SLC39A6: variants seen among roughly 807,000 people sequenced by gnomAD.
SLC39A6 encodes zinc transporter ZIP6.
Under a neutral mutation model 63.5 loss-of-function variants are expected in SLC39A6, and 51 were observed. The ratio of observed to expected loss-of-function variants is 0.80; its 90% CI spans 0.64 to 1.01. SLC39A6 has a LOEUF of 1.01. Ranked by LOEUF, SLC39A6 falls within the 50% of genes least tolerant of loss-of-function variation. The pLI is 0.00. For synonymous variants in SLC39A6, 318 were observed against 324.7 expected, an observed-to-expected ratio of 0.98 and a Z score of 0.22; for missense variants, 805 against 927.8, an observed-to-expected ratio of 0.87 and a Z score of 1.72.
At chr18:36,113,039 CT>C (rs1883503149) in intron 7 of SLC39A6, among the ~76,000 whole-genome samples, 1 of 152,082 alleles carries the variant, frequency 6.6e-6, no homozygotes, top group South Asian at 2.1e-4. Flanking sequence ...TAGCCGTCCC[CT>C]TTTAAAAATC....
intron 5 of SLC39A6, among the ~76,000 whole-genome samples, chr18:36,117,788 T>C (rs987687709): frequency 1.3e-5 from 2 of 152,082 alleles, no homozygotes; most frequent in Non-Finnish European, 2.9e-5. Flanking sequence ...TCCCAGCACT[T>C]TGGGAGGCCG....
Position 36,120,245 on chromosome 18 carries a change from C to CT in SLC39A6, c.1359+1806dup, listed in dbSNP as rs66950059. Among the ~76,000 whole-genome samples the CT allele has an allele frequency of 5.3e-5, 8 of 150,180 alleles. No homozygotes were observed. In the East Asian group the frequency reaches 5.9e-4, roughly 11 times the overall value. On this transcript the variant is annotated intron_variant, in intron 5 of 9. Transcript: ENST00000269187. ...CCAGTACTCACCATATAATGAGTAG[C>CT]TTTTTTTTTTCTTTTTGAGATAATT...
intron 9 of SLC39A6, among the ~76,000 whole-genome samples, chr18:36,110,319 T>C (rs926025021): frequency 4.0e-5 from 6 of 151,432 alleles, no homozygotes; most frequent in South Asian, 4.1e-4. Context: ...TACAAATCTA[T>C]AGAAAATTCA....
rs771357592 is a variant in SLC39A6 at position 36,126,862 on chromosome 18, G to C, written c.146C>G (p.Ala49Gly). The part of the protein sequence containing the change: ...NWESGINVDL[A>G]ISTRQYHLQQ... ...TAGATGATATTGCCGTGTGGAAATT[G>C]CCAAGTCAACATTAATGCCAGATTC... The change falls in exon 2 of 10, where the codon GCA becomes GGA. Residue 49 changes from alanine (A) to glycine (G), a missense_variant. Physicochemically the swap from Ala to Gly is moderately conservative, Grantham distance 60 (BLOSUM62 0). Around this residue, in one of 4 missense-constraint regions of SLC39A6, gnomAD observed 639 missense variants for 644.0 expected, o/e 0.99. Transcript: ENST00000269187. 1 of 1,614,170 alleles carries C rather than the reference G, an allele frequency of 6.2e-7. No homozygotes were observed. The highest frequency in any genetic ancestry group is 8.5e-7 in the Non-Finnish European group (1 of 1,180,032).
At chr18:36,113,117 C>T (rs1300048911) in intron 7 of SLC39A6, among the ~76,000 whole-genome samples, 1 of 150,992 alleles carries the variant, frequency 6.6e-6, no homozygotes, top group Non-Finnish European at 1.5e-5. Context: ...TTTTCAGAGA[C>T]AGGGTTTCAT....
intron 6 of SLC39A6, among the ~76,000 whole-genome samples, chr18:36,115,324 C>A (rs1218617585): frequency 6.6e-6 from 1 of 152,000 alleles, no homozygotes; most frequent in Non-Finnish European, 1.5e-5. Context: ...TGCCTGTAGT[C>A]CCAGTTACTC....
chr18:36,123,564 G>T lies in SLC39A6; in HGVS notation c.1071C>A (p.Leu357=). 6.2e-7 allele frequency: 1 copy of T among 1,613,426 alleles called. No individual in the cohort carries two copies. The highest frequency in any genetic ancestry group is 8.5e-7 in the Non-Finnish European group (1 of 1,179,810). The change falls in exon 4 of 10, where the codon CTC becomes CTA. Residue 357 remains leucine, a synonymous_variant. Transcript: ENST00000269187. ...PLMNRVFFKF[L]LSFLVALAVG... is the part of the protein sequence containing the mutation. The stretch of plus-strand genomic sequence containing the variant: ...CGGCCAGTGCCACAAGGAAACTCAG[G>T]AGAAATTTGAAAAACACCCGATTCA...
In SLC39A6 at chr18:36,111,245, G is replaced by C; in HGVS notation, c.1929C>G (p.Asp643Glu). The C allele has an allele frequency of 6.2e-7, 1 of 1,613,588 alleles. No individual in the cohort carries two copies. The highest frequency in any genetic ancestry group is 8.5e-7 in the Non-Finnish European group (1 of 1,179,754). ...FCHELPHELGDFAVLLKAGMT... is the reference protein window; with the variant it reads ...FCHELPHELGEFAVLLKAGMT... ...TGCCAGCCTTTAGTAGAACAGCAAA[G>C]TCACCTTTAACAGAAAACAAAAAAG... Residue 643 changes from aspartate to glutamate, a missense_variant, in exon 9 of 10, where the codon GAC becomes GAG. Around this residue, in one of 4 missense-constraint regions of SLC39A6, gnomAD observed 145 missense variants for 227.2 expected, o/e 0.64. Coordinates refer to ENST00000269187, the MANE Select transcript of SLC39A6 (RefSeq NM_012319.4).
intron 2 of SLC39A6, among the ~76,000 whole-genome samples, chr18:36,125,906 G>C (rs2089433131): frequency 6.6e-6 from 1 of 152,042 alleles, no homozygotes; most frequent in African/African-American, 2.4e-5. Context: ...TATTAATAAT[G>C]TTCACCTTTA....
chr18:36,126,396 T>C lies in SLC39A6; in HGVS notation c.612A>G (p.Thr204=), dbSNP rs759824265. The C allele has an allele frequency of 6.2e-7, 1 of 1,614,260 alleles. No homozygotes were observed. Among genetic ancestry groups the C allele is most frequent in the Non-Finnish European group, 8.5e-7 (1 of 1,180,054 alleles). ...GTTTTCCAGGTCTTGGAGTCTCTAT[T>C]GTCTCTAGAAAGTGAGTTCCTTCAG... The part of the protein sequence containing the change: ...TVSEGTHFLE[T]IETPRPGKLF... Residue 204 remains threonine, a synonymous_variant, in exon 2 of 10, where the codon ACA becomes ACG. Transcript: ENST00000269187.
At chr18:36,117,259 C>G (rs753692510) in intron 5 of SLC39A6, among the ~76,000 whole-genome samples, 7 of 152,082 alleles carry the variant, frequency 4.6e-5, no homozygotes, top group Non-Finnish European at 1.0e-4. Context: ...AAAAATCCAG[C>G]TAGGGGCATT....
At chr18:36,121,516 T>C (rs1478369381) in intron 5 of SLC39A6, among the ~76,000 whole-genome samples, 1 of 152,166 alleles carries the variant, frequency 6.6e-6, no homozygotes, top group Non-Finnish European at 1.5e-5. Flanking sequence ...TCACATCAAA[T>C]AAAAAGTGGC....
At chr18:36,114,877 T>TA (rs1213790265) in intron 6 of SLC39A6, among the ~76,000 whole-genome samples, 1 of 152,024 alleles carries the variant, frequency 6.6e-6, no homozygotes, top group East Asian at 1.9e-4. Flanking sequence ...AAATTAGAAA[T>TA]AAAAAAACAT....
At chr18:36,117,731 A>G (rs893218846) in intron 5 of SLC39A6, among the ~76,000 whole-genome samples, 1 of 152,144 alleles carries the variant, frequency 6.6e-6, no homozygotes, top group Non-Finnish European at 1.5e-5. Context: ...AGATTTTAAG[A>G]GCTTTTAAAG....
At position 36,126,547 on chromosome 18, in the gene SLC39A6, G is replaced by A; in HGVS notation, c.461C>T (p.Ser154Leu). ...ALCPDHDSDS[S>L]GKDPRNSQGK... ...CTGGCTGTTTCTAGGATCTTTACCT[G>A]AACTATCTGAGTCATGGTCTGGGCA... Residue 154 changes from serine to leucine, a missense_variant, in exon 2 of 10, where the codon TCA becomes TTA. Physicochemically the swap from Ser to Leu is moderately radical, Grantham distance 145. Coordinates refer to ENST00000269187, the MANE Select transcript of SLC39A6 (RefSeq NM_012319.4). 6.2e-7 allele frequency: 1 copy of A among 1,614,190 alleles called. No homozygotes were observed. Among genetic ancestry groups the A allele is most frequent in the Non-Finnish European group, 8.5e-7 (1 of 1,180,038 alleles).
At chr18:36,111,870 GT>G (rs565456259) in intron 8 of SLC39A6, among the ~76,000 whole-genome samples, 165 of 152,316 alleles carry the variant, frequency 1.1e-3, no homozygotes, top group Non-Finnish European at 2.0e-3. Flanking sequence ...GTCTTGCAGT[GT>G]TTTCAAGGAG....
intron 3 of SLC39A6, 54 bp from the exon 4 acceptor site, chr18:36,123,718 A>T (rs899617226): frequency 2.0e-6 from 3 of 1,515,986 alleles, no homozygotes; most frequent in Non-Finnish European, 2.7e-6. Flanking sequence ...AATAAACTCT[A>T]CAAGAAAGAC....
At chr18:36,116,400 CTG>C (rs2089345876) in intron 6 of SLC39A6, among the ~76,000 whole-genome samples, 2 of 152,190 alleles carry the variant, frequency 1.3e-5, no homozygotes, top group Non-Finnish European at 2.9e-5. Context: ...GGTAAAATAA[CTG>C]GGGAATATGA....
At chr18:36,121,019 G>GA (rs2089389134) in intron 5 of SLC39A6, among the ~76,000 whole-genome samples, 1 of 151,284 alleles carries the variant, frequency 6.6e-6, no homozygotes, top group Non-Finnish European at 1.5e-5. Flanking sequence ...GGCTGATAAA[G>GA]AAAAAAAGAA....
Sources: gnomAD v4.1 joint callset for allele counts (sites outside exome capture counted in the v4.1 genomes callset) on GRCh38, gnomAD v4.1.1 for gene constraint, gnomAD v4.1.1 regional missense constraint, MANE v1.5 for transcripts, NCBI Gene and HGNC (gene_info 2026-07-23, HGNC 2026-07-21) for gene names.